Variants in MAP3K5 observed in about 807,000 individuals in gnomAD.
The protein encoded by MAP3K5 is mitogen-activated protein kinase kinase kinase 5, also known as ASK-1.
A neutral mutation model predicts 158.7 loss-of-function variants in MAP3K5; 56 were observed. The observed-to-expected ratio is 0.35, with a 90% CI of 0.28 to 0.44. MAP3K5 has a LOEUF of 0.44. MAP3K5 is among the 20% of genes least tolerant of loss of function. The probability of loss-of-function intolerance (pLI) is 1.00; values close to 1 mark genes in which losing one functional copy is unlikely to be tolerated. For missense variants in MAP3K5, 1,294 were observed against 1,674.8 expected (o/e 0.77, Z 3.97); for synonymous variants, 579 against 601.7 (o/e 0.96, Z 0.55).
At chr6:136,646,414 C>A (rs1316505292) in intron 11 of MAP3K5, among the ~76,000 whole-genome samples, 1 of 152,176 alleles carries the variant, frequency 6.6e-6, no homozygotes, top group Admixed American at 6.5e-5. Context: ...AAACGAGGCT[C>A]ACTTTACTGA....
chr6:136,660,934 G>A (rs1778978376), intron 8 of MAP3K5, among the ~76,000 whole-genome samples: 2 of 151,204 alleles, frequency 1.3e-5, no homozygotes, highest in Non-Finnish European at 2.9e-5. Context: ...TATGGCCTGT[G>A]GACACAAAAC....
Position 136,557,649 on chromosome 6 carries a change from G to A in MAP3K5, c.*109C>T. 3 of 675,064 alleles carry A rather than the reference G, an allele frequency of 4.4e-6. No homozygotes were observed. The highest frequency in any genetic ancestry group is 7.8e-6 in the Non-Finnish European group (3 of 385,338). The allele number at this position is 675,064 out of a possible 1,614,324, so 41.8% of individuals were successfully genotyped here. A position where few individuals can be genotyped will look rare whatever the true frequency, so the allele number is the denominator to read the frequency against. ...TTTTAACATGAGTAAACAAATACTG[G>A]ATTTAAAGTGCAGCGCCTTTCTCCT... On this transcript the variant is annotated 3_prime_UTR_variant, in exon 30 of 30. Coordinates refer to ENST00000359015, the MANE Select transcript of MAP3K5 (RefSeq NM_005923.4).
chr6:136,732,114 G>A (rs1782251212), intron 1 of MAP3K5, among the ~76,000 whole-genome samples: 1 of 152,138 alleles, frequency 6.6e-6, no homozygotes, highest in African/African-American at 2.4e-5. Context: ...GGGGGAAAAG[G>A]GATACTTTAA....
intron 1 of MAP3K5, among the ~76,000 whole-genome samples, chr6:136,720,915 G>A (rs1490991202): frequency 1.3e-5 from 2 of 152,104 alleles, no homozygotes; most frequent in Non-Finnish European, 2.9e-5. Context: ...TAGTAACTGG[G>A]ACTACAGGCA....
chr6:136,652,384 A>T (rs1255412145), intron 10 of MAP3K5, among the ~76,000 whole-genome samples: 1 of 152,312 alleles, frequency 6.6e-6, no homozygotes, highest in East Asian at 1.9e-4. Flanking sequence ...ATAAACACAC[A>T]GTGAGAGCCC....
chr6:136,676,789 T>A (rs1779719627), intron 7 of MAP3K5, among the ~76,000 whole-genome samples: 2 of 141,886 alleles, frequency 1.4e-5, no homozygotes, highest in Non-Finnish European at 3.0e-5. Context: ...TTTTCTTTTC[T>A]TTTCTTTTTT....
At chr6:136,747,516 C>T (rs537984043) in intron 1 of MAP3K5, among the ~76,000 whole-genome samples, 1 of 152,264 alleles carries the variant, frequency 6.6e-6, no homozygotes, top group Non-Finnish European at 1.5e-5. Flanking sequence ...ATAGTATATG[C>T]TGGAAATGTA....
intron 21 of MAP3K5, among the ~76,000 whole-genome samples, chr6:136,595,142 G>C (rs1397672282): frequency 6.6e-6 from 1 of 152,142 alleles, no homozygotes; most frequent in Non-Finnish European, 1.5e-5. Flanking sequence ...TTTTGAGACA[G>C]AGTCACACTA....
At chr6:136,739,202 C>A (rs1041720352) in intron 1 of MAP3K5, among the ~76,000 whole-genome samples, 1 of 152,180 alleles carries the variant, frequency 6.6e-6, no homozygotes, top group East Asian at 1.9e-4. Flanking sequence ...TGTGGCCTAT[C>A]AGTAGTCAGT....
intron 1 of MAP3K5, among the ~76,000 whole-genome samples, chr6:136,740,183 T>A (rs1782650374): frequency 6.6e-6 from 1 of 152,240 alleles, no homozygotes; most frequent in Non-Finnish European, 1.5e-5. Flanking sequence ...GTAAATTGCA[T>A]TTCATCTTGC....
chr6:136,662,022 T>C (rs924863526), intron 8 of MAP3K5, among the ~76,000 whole-genome samples: 1 of 152,276 alleles, frequency 6.6e-6, no homozygotes, highest in African/African-American at 2.4e-5. Flanking sequence ...GGATGTATCA[T>C]AATTTATTTA....
In MAP3K5 at chr6:136,694,244, T is replaced by C. The variant is rs1467777962; in HGVS notation, c.1149A>G (p.Gly383=). The change falls in exon 7 of 30, where the codon GGA becomes GGG. Residue 383 remains glycine, a synonymous_variant. Transcript: ENST00000359015. Reference sequence around the variant, plus strand: ...GGCAATACATATCTGAAGCAACTTGTCCTTCGCTTTGCACCATGGGAATCA... The same window carrying C: ...GGCAATACATATCTGAAGCAACTTGCCCTTCGCTTTGCACCATGGGAATCA... ...DIMIPMVQSE[G]QVASDMYCLV... 6.2e-7 allele frequency: 1 copy of C among 1,613,726 alleles called. No homozygotes were observed. The highest frequency in any genetic ancestry group is 1.1e-5 in the South Asian group (1 of 91,082).
rs577002167 is a variant in MAP3K5 at position 136,738,557 on chromosome 6, C to T, written c.449-17968G>A. The stretch of plus-strand genomic sequence containing the variant: ...CTCAGCCCAAGAGTCCACAGATCAT[C>T]ACCACAGCAACAGACAGTATTTGGA... On this transcript the variant is annotated intron_variant, in intron 1 of 29. Coordinates refer to ENST00000359015, the MANE Select transcript of MAP3K5 (RefSeq NM_005923.4). 2.6e-5 allele frequency among the ~76,000 whole-genome samples: 4 copies of T among 152,312 alleles called. No homozygotes were observed. The South Asian group carries it at 8.3e-4, about 32-fold the overall frequency.
chr6:136,754,505 G>C (rs1178919993), intron 1 of MAP3K5, among the ~76,000 whole-genome samples: 3 of 151,716 alleles, frequency 2.0e-5, no homozygotes, highest in East Asian at 3.9e-4. Context: ...CTTGAGCTGG[G>C]GAGGTCGAGG....
rs530008205 is a variant in MAP3K5 at position 136,681,918 on chromosome 6, T to A, written c.1253+12222A>T. 1.3e-3 allele frequency among the ~76,000 whole-genome samples: 196 copies of A among 148,402 alleles called. 1 individual carries two copies. The highest frequency in any genetic ancestry group is 3.2e-3 in the African/African-American group (130 of 40,728). On this transcript the variant is annotated intron_variant, in intron 7 of 29. Transcript: ENST00000359015. The stretch of plus-strand genomic sequence containing the variant: ...TGGGCAACAGAGCAAGACTCTGTTT[T>A]AAAAAAAAAAAATTATGAATTCTTA...
rs545940627 is a variant in MAP3K5 at position 136,778,030 on chromosome 6, T to C, written c.448+13680A>G. 2.4e-4 allele frequency among the ~76,000 whole-genome samples: 37 copies of C among 152,342 alleles called. 1 individual carries two copies. The highest frequency in any genetic ancestry group is 8.4e-4 in the African/African-American group (35 of 41,586). ...TACAAAGGACTTCAAATTCCACTAC[T>C]AGGAAAATAATATATTTTTTAAAAG... is the stretch of plus-strand genomic sequence containing the variant. On this transcript the variant is annotated intron_variant, in intron 1 of 29. Coordinates refer to ENST00000359015, the MANE Select transcript of MAP3K5 (RefSeq NM_005923.4).
At chr6:136,743,381 C>T (rs1782798004) in intron 1 of MAP3K5, among the ~76,000 whole-genome samples, 2 of 150,702 alleles carry the variant, frequency 1.3e-5, no homozygotes, top group Admixed American at 6.6e-5. Flanking sequence ...ACCCGGGAGG[C>T]GGAGGTTGCA....
chr6:136,703,601 G>T (rs1562628696), intron 3 of MAP3K5, among the ~76,000 whole-genome samples: 1 of 152,164 alleles, frequency 6.6e-6, no homozygotes, highest in East Asian at 1.9e-4. Context: ...AAATTAAACA[G>T]TTTCACACCT....
At chr6:136,758,291 C>A (rs1395527503) in intron 1 of MAP3K5, among the ~76,000 whole-genome samples, 1 of 152,126 alleles carries the variant, frequency 6.6e-6, no homozygotes, top group South Asian at 2.1e-4. Context: ...CATAACAAAG[C>A]CTTGCAGTTT....
Sources: gnomAD v4.1 joint callset for allele counts (sites outside exome capture counted in the v4.1 genomes callset) on GRCh38, gnomAD v4.1.1 for gene constraint, MANE v1.5 for transcripts, NCBI Gene and HGNC (gene_info 2026-07-23, HGNC 2026-07-21) for gene names.